DYTN: variants seen among roughly 807,000 people sequenced by gnomAD.
DYTN encodes dystrotelin.
A neutral mutation model predicts 69.6 loss-of-function variants in DYTN; 75 were observed. That is an observed-to-expected ratio of 1.08 (90% CI 0.89 to 1.31). The LOEUF (loss-of-function observed/expected upper bound fraction) is 1.31. Among genes scored for constraint, DYTN ranks in the 50% most tolerant of loss-of-function variants. The pLI, the probability that DYTN is intolerant of heterozygous loss-of-function variation, is 0.00. For missense variants in DYTN, 726 were observed against 688.4 expected (o/e 1.05, Z -0.61); for synonymous variants, 252 against 249.1 (o/e 1.01, Z -0.11).
chr2:206,661,876 A>T (rs370963758), intron 11 of DYTN, among the ~76,000 whole-genome samples: 2 of 152,314 alleles, frequency 1.3e-5, no homozygotes, highest in African/African-American at 4.8e-5. Flanking sequence ...GTCTATAAAT[A>T]GTTCCTGACT....
At chr2:206,685,161 T>TATTC in intron 9 of DYTN, among the ~76,000 whole-genome samples, 1 of 151,344 alleles carries the variant, frequency 6.6e-6, no homozygotes, top group Non-Finnish European at 1.5e-5. Flanking sequence ...TTTATTTATT[T>TATTC]ATTTATTTAT....
In DYTN at chr2:206,693,326, G is replaced by T; in HGVS notation, c.832-3C>A. ...TTTGTATTCTGCATTGCTGACATCTGCTGAAAGGGCCAACATTTTTAAAAA... is the reference window on the plus strand; with the variant it reads ...TTTGTATTCTGCATTGCTGACATCTTCTGAAAGGGCCAACATTTTTAAAAA... On this transcript the variant is annotated splice_region_variant and splice_polypyrimidine_tract_variant and intron_variant, in intron 8 of 11. Transcript: ENST00000452335. The T allele has an allele frequency of 6.2e-7, 1 of 1,610,562 alleles. No individual in the cohort carries two copies.
intron 2 of DYTN, among the ~76,000 whole-genome samples, chr2:206,709,694 G>A (rs1291784417): frequency 6.6e-6 from 1 of 152,144 alleles, no homozygotes; most frequent in Non-Finnish European, 1.5e-5. Flanking sequence ...ATTTTTAAAT[G>A]TCAGCCTTCA....
intron 9 of DYTN, among the ~76,000 whole-genome samples, chr2:206,672,396 G>A (rs532655413): frequency 1.3e-5 from 2 of 152,348 alleles, no homozygotes; most frequent in South Asian, 4.1e-4. Flanking sequence ...AGCCTGAATT[G>A]TGAATGTTTT....
At chr2:206,703,966 C>A (rs1699999427) in intron 5 of DYTN, among the ~76,000 whole-genome samples, 1 of 152,188 alleles carries the variant, frequency 6.6e-6, no homozygotes, top group Admixed American at 6.5e-5. Flanking sequence ...CAATTTACAT[C>A]ATTTTAACAT....
chr2:206,675,208 T>C (rs1157418397), intron 9 of DYTN, among the ~76,000 whole-genome samples: 1 of 146,842 alleles, frequency 6.8e-6, no homozygotes, highest in African/African-American at 2.5e-5. Flanking sequence ...TGTATTTTTG[T>C]ATTTAAGTGT....
At chr2:206,678,803 T>G (rs994170874) in intron 9 of DYTN, among the ~76,000 whole-genome samples, 1 of 152,250 alleles carries the variant, frequency 6.6e-6, no homozygotes, top group Non-Finnish European at 1.5e-5. Flanking sequence ...CTTTGTTCTC[T>G]TTTGACTTTT....
Position 206,665,978 on chromosome 2 carries a change from G to A in DYTN, c.1032C>T (p.Tyr344=). 1 of 1,613,926 alleles carries A rather than the reference G, an allele frequency of 6.2e-7. No individual in the cohort carries two copies. The highest frequency in any genetic ancestry group is 8.5e-7 in the Non-Finnish European group (1 of 1,179,874). Residue 344 remains tyrosine (Y), a synonymous_variant, in exon 10 of 12, where the codon TAC becomes TAT. Coordinates refer to ENST00000452335, the MANE Select transcript of DYTN (RefSeq NM_001093730.1). The part of the protein sequence containing the change: ...NQYKDKLQAI[Y]TSQEERICRF... ...GACAAATTCTTTCTTCCTGGGAGGTGTATATAGCTTGCAACTTGTCTTTGT... is the reference window on the plus strand; with the variant it reads ...GACAAATTCTTTCTTCCTGGGAGGTATATATAGCTTGCAACTTGTCTTTGT...
chr2:206,700,312 G>A lies in DYTN; in HGVS notation c.484-96C>T. 2.2e-6 allele frequency: 3 copies of A among 1,338,064 alleles called. No homozygotes were observed. The South Asian group carries it at 3.6e-5, about 16-fold the overall frequency. The allele number at this position is 1,338,064 out of a possible 1,614,324, so 82.9% of individuals were successfully genotyped here. ...GAGAGCTGGTGCCCACGGCTGTGTA[G>A]TCACAAGTATTTGGTATCTGAGACG... On this transcript the variant is annotated intron_variant, in intron 5 of 11. Coordinates refer to ENST00000452335, the MANE Select transcript of DYTN (RefSeq NM_001093730.1).
chr2:206,693,696 C>A lies in DYTN; in HGVS notation c.832-373G>T, dbSNP rs547467559. 2.0e-5 allele frequency among the ~76,000 whole-genome samples: 3 copies of A among 152,328 alleles called. No homozygotes were observed. In the South Asian group the frequency reaches 6.2e-4, roughly 32 times the overall value. On this transcript the variant is annotated intron_variant, in intron 8 of 11. Transcript: ENST00000452335. The stretch of plus-strand genomic sequence containing the variant: ...ATTTATTTCCAGCGAAATACTCACA[C>A]ATTCCATTCTGCATACAATTTCAGT...
chr2:206,698,019 T>C (rs1314292385), intron 7 of DYTN, among the ~76,000 whole-genome samples: 1 of 152,238 alleles, frequency 6.6e-6, no homozygotes, highest in African/African-American at 2.4e-5. Context: ...AAGTTAATCC[T>C]GTACTCGACC....
intron 1 of DYTN, 89 bp from the exon 2 acceptor site, chr2:206,710,687 G>A: frequency 9.5e-7 from 1 of 1,054,072 alleles, no homozygotes; most frequent in Non-Finnish European, 1.3e-6. Context: ...GATCATGTAA[G>A]CTTACTTTAT....
At chr2:206,676,924 T>TAA (rs147693382) in intron 9 of DYTN, among the ~76,000 whole-genome samples, 38 of 151,836 alleles carry the variant, frequency 2.5e-4, no homozygotes, top group African/African-American at 6.8e-4. Flanking sequence ...TTCTTTTTCT[T>TAA]AAAAAAAACT....
At chr2:206,690,866 CAG>C (rs2105896648) in intron 9 of DYTN, among the ~76,000 whole-genome samples, 1 of 152,204 alleles carries the variant, frequency 6.6e-6, no homozygotes, top group African/African-American at 2.4e-5. Context: ...GAGGCAGAAT[CAG>C]GGCTGGAACA....
At chr2:206,701,797 C>T (rs993813748) in intron 5 of DYTN, among the ~76,000 whole-genome samples, 10 of 152,104 alleles carry the variant, frequency 6.6e-5, no homozygotes, top group Admixed American at 6.5e-4. Flanking sequence ...CCCCCCAACA[C>T]CATGAGATGG....
chr2:206,692,714 C>T (rs1186429178), intron 9 of DYTN, among the ~76,000 whole-genome samples: 1 of 151,830 alleles, frequency 6.6e-6, no homozygotes. Flanking sequence ...GTATCTATAG[C>T]ATAATCCCTG....
chr2:206,665,895 A>G lies in DYTN; in HGVS notation c.1115T>C (p.Leu372Pro), dbSNP rs1414118455. The G allele has an allele frequency of 1.2e-6, 2 of 1,613,754 alleles. No individual in the cohort carries two copies. The highest frequency in any genetic ancestry group is 1.7e-6 in the Non-Finnish European group (2 of 1,179,832). ...KTNQDSLWTK[L>P]QQIRRDLQAR... ...CTGTAGGTCCCGTCTTATCTGTTGT[A>G]GCTTGGTCCATAGACTATCCTGGTT... The change falls in exon 10 of 12, where the codon CTA (leucine) becomes CCA (proline). Residue 372 changes from leucine (L) to proline (P), a missense_variant. By Grantham distance (98) the Leu-to-Pro change is moderately conservative. Transcript: ENST00000452335.
At position 206,718,358 on chromosome 2, in the gene DYTN, T is replaced by G. The variant is rs1052884160; in HGVS notation, c.-79A>C. Reference sequence around the variant, plus strand: ...GAACCAGTATTTTAAGCAGAAGGTTTTGCAGCAGAGGAATGAGGACAGGGG... The same window carrying G: ...GAACCAGTATTTTAAGCAGAAGGTTGTGCAGCAGAGGAATGAGGACAGGGG... On this transcript the variant is annotated 5_prime_UTR_variant, in exon 1 of 12. Coordinates refer to ENST00000452335, the MANE Select transcript of DYTN (RefSeq NM_001093730.1). 3.3e-6 allele frequency: 5 copies of G among 1,510,084 alleles called. No homozygotes were observed. The African/African-American group carries it at 5.5e-5, about 17-fold the overall frequency. The allele number at this position is 1,510,084 out of a possible 1,614,324, so 93.5% of individuals were successfully genotyped here.
At chr2:206,659,164 C>CTTTTTT (rs758156864) in intron 11 of DYTN, among the ~76,000 whole-genome samples, 3 of 54,306 alleles carry the variant, frequency 5.5e-5, no homozygotes, top group African/African-American at 7.5e-5. Context: ...CTCACAGTCT[C>CTTTTTT]TTTTTTTTTT....
Sources: allele counts gnomAD v4.1 joint callset (sites outside exome capture counted in the v4.1 genomes callset), GRCh38; gene constraint gnomAD v4.1.1; transcripts MANE v1.5; gene names NCBI Gene and HGNC (gene_info 2026-07-23, HGNC 2026-07-21).